Variants in ZNF385C observed in about 807,000 individuals in gnomAD.
ZNF385C encodes CTD-2132N18.2.
In ZNF385C, 28 loss-of-function variants were observed where a neutral mutation model predicts 35.4. The observed-to-expected ratio is 0.79, with a 90% confidence interval of 0.59 to 1.08. ZNF385C has a LOEUF of 1.08. Ranked by LOEUF, ZNF385C falls within the 50% of genes least tolerant of loss-of-function variation. The probability of loss-of-function intolerance (pLI) is 0.00; values close to 1 mark genes in which losing one functional copy is unlikely to be tolerated. For missense variants in ZNF385C, 605 were observed against 595.6 expected, an observed-to-expected ratio of 1.02 and a Z score of -0.16; for synonymous variants, 248 against 248.2, an observed-to-expected ratio of 1.00 and a Z score of 0.01.
At chr17:42,027,406 C>G (rs1224276732) in intron 8 of ZNF385C, among the ~76,000 whole-genome samples, 1 of 151,990 alleles carries the variant, frequency 6.6e-6, no homozygotes, top group Non-Finnish European at 1.5e-5. Context: ...GCCCACCCCT[C>G]ACTCTTGCCC....
intron 8 of ZNF385C, 66 bp from the exon 9 acceptor site, chr17:42,027,199 C>G: frequency 6.9e-7 from 1 of 1,441,520 alleles, no homozygotes; most frequent in South Asian, 1.2e-5. Flanking sequence ...TCCCTGGGGC[C>G]CATCCTCAAG....
In ZNF385C at chr17:42,026,935, G is replaced by T; in HGVS notation, c.1474C>A (p.Arg492Ser). ...AGGACGATAGGTCCTGTGGCAGGGCGGACAGCTCCTGCTGGGGTGCGAAAC... is the reference window on the plus strand; with the variant it reads ...AGGACGATAGGTCCTGTGGCAGGGCTGACAGCTCCTGCTGGGGTGCGAAAC... Reference protein sequence around the residue: ...ALFRTPAGAVRPATGPIVLAP... With the variant: ...ALFRTPAGAVSPATGPIVLAP... Residue 492 changes from arginine to serine, a missense_variant, in exon 9 of 9, where the codon CGC (arginine) becomes AGC (serine). By Grantham distance (110) the Arg-to-Ser change is moderately radical. Transcript: ENST00000692273. 1 of 1,607,840 alleles carries T rather than the reference G, an allele frequency of 6.2e-7. No homozygotes were observed. Among genetic ancestry groups the T allele is most frequent in the Non-Finnish European group, 8.5e-7 (1 of 1,176,982 alleles).
chr17:42,052,819 C>A (rs1422344120), intron 2 of ZNF385C, among the ~76,000 whole-genome samples: 3 of 152,164 alleles, frequency 2.0e-5, no homozygotes, highest in African/African-American at 4.8e-5. Context: ...GTTAAAAGAG[C>A]ATATCTCCAA....
intron 2 of ZNF385C, among the ~76,000 whole-genome samples, chr17:42,044,540 C>T (rs1419623723): frequency 7.3e-5 from 11 of 151,240 alleles, no homozygotes; most frequent in African/African-American, 2.4e-5. Context: ...CGCTTGAACC[C>T]GGGAGGCGGA....
chr17:42,027,995 GC>G (rs1555654482), intron 7 of ZNF385C, 54 bp downstream of exon 7: 1 of 1,522,630 alleles, frequency 6.6e-7, no homozygotes, highest in Non-Finnish European at 9.1e-7. Flanking sequence ...CTGCTGCCCT[GC>G]CCCCCAACCC....
intron 2 of ZNF385C, among the ~76,000 whole-genome samples, chr17:42,046,180 G>A (rs898806070): frequency 1.3e-5 from 2 of 152,062 alleles, no homozygotes; most frequent in Non-Finnish European, 1.5e-5. Context: ...CAGGGATTCT[G>A]TACATATCTC....
chr17:42,027,554 G>GGGCCCCCCCCCCCCCC, intron 8 of ZNF385C, 64 bp downstream of exon 8: 2 of 556,882 alleles, frequency 3.6e-6, no homozygotes, highest in Non-Finnish European at 6.6e-6. Flanking sequence ...CCCCCATCTG[G>GGGCCCCCCCCCCCCCC]CCCTCCCAGC....
At chr17:42,070,133 A>G (rs1055667300) in intron 1 of ZNF385C, among the ~76,000 whole-genome samples, 4 of 152,050 alleles carry the variant, frequency 2.6e-5, no homozygotes, top group African/African-American at 4.8e-5. Flanking sequence ...TCATGAGGTC[A>G]GGAGATCGAG....
chr17:42,087,277 A>G (rs1443449326), intron 1 of ZNF385C, among the ~76,000 whole-genome samples: 1 of 152,252 alleles, frequency 6.6e-6, no homozygotes, highest in Non-Finnish European at 1.5e-5. Context: ...TTTTCCAATA[A>G]GTAGGCATAT....
Position 42,031,684 on chromosome 17 carries a change from T to C in ZNF385C, c.611A>G (p.Asp204Gly), listed in dbSNP as rs782719341. 1 of 1,550,554 alleles carries C rather than the reference T, an allele frequency of 6.4e-7. No homozygotes were observed. The highest frequency in any genetic ancestry group is 1.4e-5 in the African/African-American group (1 of 73,052). ...SKQRPHTQAQ[D>G]GAVVSPIPTL... ...TGGGATTGGGGACACTACAGCCCCA[T>C]CCTGGGCCTGGGTGTGTGGCCTCTG... Residue 204 changes from aspartate to glycine, a missense_variant, in exon 5 of 9, where the codon GAT becomes GGT. Asp to Gly is a moderately conservative substitution (Grantham distance 94). Coordinates refer to ENST00000692273, the MANE Select transcript of ZNF385C (RefSeq NM_001392013.1).
At position 42,095,408 on chromosome 17, in the gene ZNF385C, T is replaced by A. The variant is rs1304367170; in HGVS notation, c.-3+3002A>T. Among the ~76,000 whole-genome samples, 1 of 152,114 alleles carries A rather than the reference T, an allele frequency of 6.6e-6. No individual in the cohort carries two copies. Among genetic ancestry groups the A allele is most frequent in the Non-Finnish European group, 1.5e-5 (1 of 68,028 alleles). On this transcript the variant is annotated intron_variant, in intron 1 of 8. Transcript: ENST00000692273. The surrounding 1 kb of genome is among the most constrained non-coding windows in gnomAD (Gnocchi z 4.4). ...TGATAGACACATGGGCCCTCCCGGG[T>A]GGCAGGCGCAGCTCCCTCTGAGAAG...
At chr17:42,083,900 G>A (rs2053777424) in intron 1 of ZNF385C, among the ~76,000 whole-genome samples, 1 of 151,558 alleles carries the variant, frequency 6.6e-6, no homozygotes, top group Non-Finnish European at 1.5e-5. Context: ...TATATTTTTA[G>A]TAGAGATGGC....
At chr17:42,067,691 C>T (rs1398732639) in intron 1 of ZNF385C, among the ~76,000 whole-genome samples, 1 of 152,142 alleles carries the variant, frequency 6.6e-6, no homozygotes, top group Non-Finnish European at 1.5e-5. Context: ...CACCTTCTCA[C>T]CTCTAGATGG....
At position 42,054,054 on chromosome 17, in the gene ZNF385C, A is replaced by C. The variant is rs538964488; in HGVS notation, c.250+8753T>G. Among the ~76,000 whole-genome samples the C allele has an allele frequency of 3.7e-3, 564 of 152,146 alleles. 4 individuals carry two copies. The highest frequency in any genetic ancestry group is 0.013 in the African/African-American group (528 of 41,538). On this transcript the variant is annotated intron_variant, in intron 2 of 8. Coordinates refer to ENST00000692273, the MANE Select transcript of ZNF385C (RefSeq NM_001392013.1). ...AGCTGCCCATTCTCTGGTTTCCCCC[A>C]TCCCAACCACAGGTGGAAAGAACAG...
rs536705043 is a variant in ZNF385C at position 42,067,817 on chromosome 17, G to A, written c.-2-4759C>T. On this transcript the variant is annotated intron_variant, in intron 1 of 8. Coordinates refer to ENST00000692273, the MANE Select transcript of ZNF385C (RefSeq NM_001392013.1). Reference sequence around the variant, plus strand: ...GGTGGGGGGAGAGGTCCCATTCCCCGGGTGGAGGCTTCAGAGGAATGAGAT... The same window carrying A: ...GGTGGGGGGAGAGGTCCCATTCCCCAGGTGGAGGCTTCAGAGGAATGAGAT... Among the ~76,000 whole-genome samples the A allele has an allele frequency of 2.3e-3, 345 of 152,246 alleles. 1 individual carries two copies. Among genetic ancestry groups the A allele is most frequent in the African/African-American group, 7.8e-3 (325 of 41,546 alleles).
chr17:42,039,652 C>T, intron 2 of ZNF385C: 1 of 1,227,662 alleles, frequency 8.1e-7, no homozygotes, highest in Non-Finnish European at 1.0e-6. Context: ...CTAGGTTGGC[C>T]CTTACAGTGC....
At chr17:42,098,153 G>C (rs1244258412) in intron 1 of ZNF385C, among the ~76,000 whole-genome samples, 1 of 152,190 alleles carries the variant, frequency 6.6e-6, no homozygotes, top group Admixed American at 6.5e-5. Context: ...TCTAATGCCC[G>C]GCTCTTTCTT....
chr17:42,078,812 G>A (rs2053712806), intron 1 of ZNF385C, among the ~76,000 whole-genome samples: 1 of 152,112 alleles, frequency 6.6e-6, no homozygotes, highest in Non-Finnish European at 1.5e-5. Flanking sequence ...AGGTGGGGGA[G>A]AGAGGTGAGC....
At position 42,050,751 on chromosome 17, in the gene ZNF385C, CA is replaced by C. The variant is rs1555657037; in HGVS notation, c.250+12055del. 2 of 150,904 alleles carry C rather than the reference CA, an allele frequency of 1.3e-5. No individual in the cohort carries two copies. The highest frequency in any genetic ancestry group is 3.9e-4 in the East Asian group (2 of 5,116). The allele number at this position is 150,904 out of a possible 1,614,324, so 9.3% of individuals were successfully genotyped here. ...GCGCCCACCTGCGGCGCCTCCCGCC[CA>C]GCGCGCTCAGCCCGGCCCCGGCCCC... On this transcript the variant is annotated intron_variant, in intron 2 of 8. Coordinates refer to ENST00000692273, the MANE Select transcript of ZNF385C (RefSeq NM_001392013.1). This position sits in a 1 kb window ranked among gnomAD's most constrained non-coding sequence, Gnocchi z 5.6.
Sources: gnomAD v4.1 joint callset for allele counts (sites outside exome capture counted in the v4.1 genomes callset) on GRCh38, gnomAD v4.1.1 for gene constraint, Gnocchi (gnomAD v3.1) non-coding constraint, MANE v1.5 for transcripts, NCBI Gene and HGNC (gene_info 2026-07-23, HGNC 2026-07-21) for gene names.